The following COBL variants were observed in gnomAD, a reference collection of about 807,000 sequenced individuals.
COBL encodes protein cordon-bleu.
A neutral mutation model predicts 98.8 loss-of-function variants in COBL; 51 were observed. The ratio of observed to expected loss-of-function variants is 0.52; its 90% CI spans 0.41 to 0.65. The LOEUF is 0.65. Ranked by LOEUF, COBL falls within the 30% of genes least tolerant of loss-of-function variation. The pLI is 0.00. For synonymous variants in COBL, 634 were observed against 651.7 expected, an observed-to-expected ratio of 0.97 and a Z score of 0.41; for missense variants, 1,617 against 1,617.5, an observed-to-expected ratio of 1.00 and a Z score of 0.01.
intron 5 of COBL, among the ~76,000 whole-genome samples, chr7:51,181,105 C>A (rs1788905358): frequency 6.6e-6 from 1 of 152,160 alleles, no homozygotes; most frequent in South Asian, 2.1e-4. Flanking sequence ...ACTAAAACAT[C>A]TTTTCTTTCC....
chr7:51,111,066 C>T (rs929167885), intron 6 of COBL, among the ~76,000 whole-genome samples: 5 of 152,170 alleles, frequency 3.3e-5, no homozygotes, highest in Non-Finnish European at 7.3e-5. Flanking sequence ...AGTGGGATTG[C>T]TGGATCAAAT....
chr7:51,249,789 G>A (rs1197343640), intron 1 of COBL, among the ~76,000 whole-genome samples: 1 of 152,156 alleles, frequency 6.6e-6, no homozygotes, highest in Non-Finnish European at 1.5e-5. Context: ...CTGCAGAGCT[G>A]GCTGTGAAAA....
intron 6 of COBL, among the ~76,000 whole-genome samples, chr7:51,095,410 T>C (rs1307419864): frequency 4.6e-5 from 7 of 152,132 alleles, no homozygotes; most frequent in Non-Finnish European, 1.0e-4. Flanking sequence ...CATATTACTA[T>C]GTAACTACAA....
intron 5 of COBL, among the ~76,000 whole-genome samples, chr7:51,145,978 C>T (rs1562963117): frequency 1.3e-5 from 2 of 152,016 alleles, no homozygotes; most frequent in Admixed American, 6.5e-5. Flanking sequence ...ACCTTTGCTC[C>T]TGACCATCAC....
chr7:51,024,990 CAA>C, intron 12 of COBL, 117 bp downstream of exon 12: 1 of 1,381,426 alleles, frequency 7.2e-7, no homozygotes, highest in Non-Finnish European at 1.0e-6. Flanking sequence ...GGCTCTCTCT[CAA>C]CCCACTCCCA....
chr7:51,056,122 A>C (rs1435737320), intron 7 of COBL, among the ~76,000 whole-genome samples: 2 of 152,082 alleles, frequency 1.3e-5, no homozygotes, highest in African/African-American at 4.8e-5. Flanking sequence ...AGTTTCAGAA[A>C]GACAGAATGA....
chr7:51,207,264 T>A, intron 2 of COBL, among the ~76,000 whole-genome samples: 1 of 149,254 alleles, frequency 6.7e-6, no homozygotes, highest in Admixed American at 6.7e-5. Context: ...GTTAAGGAAA[T>A]GGAAGGAAAC....
chr7:51,219,400 G>T (rs951873804), intron 2 of COBL, among the ~76,000 whole-genome samples: 2 of 152,180 alleles, frequency 1.3e-5, no homozygotes, highest in Non-Finnish European at 2.9e-5. Flanking sequence ...GAGGATACCT[G>T]AGGCACACTG....
At chr7:51,194,720 T>G (rs996794199) in intron 2 of COBL, among the ~76,000 whole-genome samples, 1 of 152,230 alleles carries the variant, frequency 6.6e-6, no homozygotes, top group African/African-American at 2.4e-5. Context: ...TCACTGATGT[T>G]GAGCTTTTTT....
intron 7 of COBL, among the ~76,000 whole-genome samples, chr7:51,056,703 G>A: frequency 6.6e-6 from 1 of 152,072 alleles, no homozygotes; most frequent in Non-Finnish European, 1.5e-5. Context: ...GTTCCAAGAT[G>A]AGTTCTCTTC....
In COBL at chr7:51,187,140, T is replaced by C. The variant is rs142650039; in HGVS notation, c.686-2941A>G. Among the ~76,000 whole-genome samples the C allele has an allele frequency of 2.2e-4, 33 of 152,084 alleles. 1 individual carries two copies. In the East Asian group the frequency reaches 6.2e-3, roughly 29 times the overall value. ...TGAATTGCAGAGTGGCAGAGAAGGA[T>C]GAAGGACCCTTAAAGACCAACGAGT... On this transcript the variant is annotated intron_variant, in intron 4 of 12. Coordinates refer to ENST00000265136, the MANE Select transcript of COBL (RefSeq NM_015198.5).
intron 6 of COBL, among the ~76,000 whole-genome samples, chr7:51,131,996 G>A (rs1798790469): frequency 6.6e-6 from 1 of 152,234 alleles, no homozygotes; most frequent in Non-Finnish European, 1.5e-5. Flanking sequence ...TTTGTAGTTT[G>A]TGGCTGAGAA....
chr7:51,153,896 C>T (rs1300434371), intron 5 of COBL, among the ~76,000 whole-genome samples: 2 of 152,190 alleles, frequency 1.3e-5, no homozygotes, highest in East Asian at 1.9e-4. Flanking sequence ...CTTAAGTTCT[C>T]GCCAATAAAA....
intron 1 of COBL, among the ~76,000 whole-genome samples, chr7:51,273,341 A>G (rs189396173): frequency 0.025 from 3,770 of 151,840 alleles, 64 homozygotes; most frequent in South Asian, 0.066. Flanking sequence ...AAAAAAAAAA[A>G]AAAAAGAAAA....
At chr7:51,247,021 C>A (rs941621737) in intron 1 of COBL, among the ~76,000 whole-genome samples, 1 of 152,186 alleles carries the variant, frequency 6.6e-6, no homozygotes, top group Non-Finnish European at 1.5e-5. Context: ...CCAAGCAGTG[C>A]GGGCCTGCAG....
chr7:51,097,689 T>C (rs10899773), intron 6 of COBL, among the ~76,000 whole-genome samples: 85,567 of 151,944 alleles, frequency 0.56, 24,698 homozygotes, highest in Middle Eastern at 0.69. Context: ...AGAAAATAAT[T>C]TAATTTGCAG....
chr7:51,172,243 C>T (rs946590784), intron 5 of COBL, among the ~76,000 whole-genome samples: 5 of 152,102 alleles, frequency 3.3e-5, no homozygotes, highest in Admixed American at 6.5e-5. Context: ...CACTGACTGG[C>T]AAATAGAAAA....
chr7:51,139,577 T>G (rs942982170), intron 5 of COBL, among the ~76,000 whole-genome samples: 1 of 152,324 alleles, frequency 6.6e-6, no homozygotes, highest in East Asian at 1.9e-4. Context: ...CAGGGTCCAG[T>G]GGTCCTGAGC....
intron 5 of COBL, among the ~76,000 whole-genome samples, chr7:51,143,842 C>G (rs1784783093): frequency 6.6e-6 from 1 of 152,286 alleles, no homozygotes; most frequent in African/African-American, 2.4e-5. Context: ...GGAAAAGTAG[C>G]TGTGTGGTTC....
Sources: allele counts gnomAD v4.1 joint callset (sites outside exome capture counted in the v4.1 genomes callset), GRCh38; gene constraint gnomAD v4.1.1; transcripts MANE v1.5; gene names NCBI Gene and HGNC (gene_info 2026-07-23, HGNC 2026-07-21).